GRIK1: variants seen among roughly 807,000 people sequenced by gnomAD.
The protein encoded by GRIK1 is glutamate ionotropic receptor kainate type subunit 1, also known as glutamate receptor ionotropic, kainate 1.
Under a neutral mutation model 105.7 loss-of-function variants are expected in GRIK1, and 69 were observed. The observed-to-expected ratio is 0.65, with a 90% CI of 0.54 to 0.80. The LOEUF (loss-of-function observed/expected upper bound fraction) is 0.80. Among genes scored for constraint, GRIK1 ranks in the 30% least tolerant of loss-of-function variants. The pLI, the probability that GRIK1 is intolerant of heterozygous loss-of-function variation, is 0.00. For synonymous variants in GRIK1, 438 were observed against 431.3 expected (o/e 1.02, Z -0.19); for missense variants, 1,109 against 1,167.3 (o/e 0.95, Z 0.73).
chr21:29,569,039 G>A (rs1211821250), intron 14 of GRIK1, among the ~76,000 whole-genome samples: 1 of 152,198 alleles, frequency 6.6e-6, no homozygotes, highest in Admixed American at 6.5e-5. Context: ...GGGCCTCCAA[G>A]GCCTAGGGTT....
At position 29,892,862 on chromosome 21, in the gene GRIK1, C is replaced by T. The variant is rs148683613; in HGVS notation, c.118+46521G>A. 2.3e-3 allele frequency among the ~76,000 whole-genome samples: 351 copies of T among 152,256 alleles called. 2 individuals carry two copies. Among genetic ancestry groups the T allele is most frequent in the African/African-American group, 8.2e-3 (341 of 41,538 alleles). On this transcript the variant is annotated intron_variant, in intron 1 of 17. Transcript: ENST00000327783. ...TTGTTTTGTTTTGTTATTGAAGCAC[C>T]TCCAAAACATTCTGAGGGAATTTAA...
At chr21:29,873,073 T>C (rs779232126) in intron 1 of GRIK1, among the ~76,000 whole-genome samples, 4 of 152,056 alleles carry the variant, frequency 2.6e-5, no homozygotes, top group South Asian at 2.1e-4. Context: ...AAATTGAAAG[T>C]CATTGAGGAG....
At chr21:29,690,599 C>G (rs1022152065) in intron 2 of GRIK1, among the ~76,000 whole-genome samples, 2 of 152,236 alleles carry the variant, frequency 1.3e-5, no homozygotes, top group African/African-American at 4.8e-5. Context: ...CCAACCCACT[C>G]ATTTCATAGA....
At chr21:29,764,129 T>C (rs75396167) in intron 1 of GRIK1, 6,495 of 152,256 alleles carry the variant, frequency 0.043, 219 homozygotes, top group Non-Finnish European at 0.066. Context: ...CTGAAGATGA[T>C]GCAGAGACTT....
chr21:29,868,687 T>C (rs904094751), intron 1 of GRIK1, among the ~76,000 whole-genome samples: 8 of 152,138 alleles, frequency 5.3e-5, no homozygotes, highest in African/African-American at 1.4e-4. Flanking sequence ...CTGTCTTTCT[T>C]TTTTCTTCAC....
intron 1 of GRIK1, among the ~76,000 whole-genome samples, chr21:29,905,944 TG>T (rs201072979): frequency 2.2e-5 from 3 of 133,686 alleles, no homozygotes; most frequent in African/African-American, 1.0e-4. Context: ...TTGTTTTTTT[TG>T]TTTGTTTGTT....
chr21:29,645,632 T>TCC (rs1296635762), intron 6 of GRIK1, among the ~76,000 whole-genome samples: 2 of 152,206 alleles, frequency 1.3e-5, no homozygotes, highest in Non-Finnish European at 2.9e-5. Flanking sequence ...GAGAAAATGT[T>TCC]TACATTAACT....
intron 15 of GRIK1, among the ~76,000 whole-genome samples, chr21:29,556,925 T>C (rs1252992442): frequency 2.0e-5 from 3 of 152,214 alleles, no homozygotes; most frequent in Non-Finnish European, 4.4e-5. Context: ...CCTATTAAGA[T>C]AAACTTAAGA....
intron 1 of GRIK1, among the ~76,000 whole-genome samples, chr21:29,894,994 C>A (rs2070075618): frequency 6.6e-6 from 1 of 152,084 alleles, no homozygotes; most frequent in African/African-American, 2.4e-5. Flanking sequence ...GAAAAGACTG[C>A]AAGCAAATAT....
chr21:29,817,866 T>C (rs961122697), intron 1 of GRIK1, among the ~76,000 whole-genome samples: 1 of 152,154 alleles, frequency 6.6e-6, no homozygotes, highest in Non-Finnish European at 1.5e-5. Context: ...GAAAATACGC[T>C]TAATGCATAC....
At chr21:29,590,917 G>C (rs1159206280) in intron 10 of GRIK1, among the ~76,000 whole-genome samples, 195 bp downstream of exon 10, 1 of 152,206 alleles carries the variant, frequency 6.6e-6, no homozygotes, top group Non-Finnish European at 1.5e-5. Context: ...AGAGGTGGGA[G>C]ATCTTCAGAA....
intron 1 of GRIK1, among the ~76,000 whole-genome samples, chr21:29,819,842 C>A (rs564382499): frequency 6.6e-6 from 1 of 152,152 alleles, no homozygotes; most frequent in Non-Finnish European, 1.5e-5. Flanking sequence ...ATGACAGGGA[C>A]CGCCTGCAAC....
rs573698011 is a variant in GRIK1 at position 29,637,172 on chromosome 21, C to T, written c.1098+5654G>A. Among the ~76,000 whole-genome samples the T allele has an allele frequency of 2.6e-5, 4 of 152,258 alleles. No homozygotes were observed. In the East Asian group the frequency reaches 7.7e-4, roughly 29 times the overall value. Reference sequence around the variant, plus strand: ...ATCAGTTTTAATAGAAGCACTGTGACCCAGAAAATAACTAAGGACAACTGA... The same window carrying T: ...ATCAGTTTTAATAGAAGCACTGTGATCCAGAAAATAACTAAGGACAACTGA... On this transcript the variant is annotated intron_variant, in intron 7 of 17. Transcript: ENST00000327783.
At chr21:29,904,429 G>C (rs2070530650) in intron 1 of GRIK1, among the ~76,000 whole-genome samples, 1 of 151,990 alleles carries the variant, frequency 6.6e-6, no homozygotes, top group Non-Finnish European at 1.5e-5. Context: ...AGCAAGAGCA[G>C]GGACTGAGTC....
chr21:29,723,558 G>A (rs1157138243), intron 1 of GRIK1, among the ~76,000 whole-genome samples: 1 of 152,212 alleles, frequency 6.6e-6, no homozygotes, highest in Non-Finnish European at 1.5e-5. Context: ...TCCAAGTGAA[G>A]AAGTTAGAAA....
chr21:29,938,822 T>G (rs934474031), intron 1 of GRIK1, among the ~76,000 whole-genome samples: 10 of 142,850 alleles, frequency 7.0e-5, no homozygotes, highest in Non-Finnish European at 1.2e-4. Flanking sequence ...GTGGAACCCG[T>G]CAGAGTTGGC....
intron 1 of GRIK1, among the ~76,000 whole-genome samples, chr21:29,733,660 C>T (rs902452897): frequency 2.0e-5 from 3 of 152,032 alleles, no homozygotes; most frequent in African/African-American, 7.2e-5. Context: ...AACATTTCTT[C>T]ATCACTTTCT....
intron 1 of GRIK1, among the ~76,000 whole-genome samples, chr21:29,935,514 A>G (rs2071717934): frequency 6.6e-6 from 1 of 152,236 alleles, no homozygotes; most frequent in African/African-American, 2.4e-5. Context: ...TAAAAATATG[A>G]ACAACTAAAA....
chr21:29,555,755 G>A (rs2146131230), intron 15 of GRIK1, among the ~76,000 whole-genome samples: 1 of 152,310 alleles, frequency 6.6e-6, no homozygotes, highest in African/African-American at 2.4e-5. Context: ...GTCAGACAGA[G>A]CAGTCTATTT....
Sources: allele counts gnomAD v4.1 joint callset (sites outside exome capture counted in the v4.1 genomes callset), GRCh38; gene constraint gnomAD v4.1.1; transcripts MANE v1.5; gene names NCBI Gene and HGNC (gene_info 2026-07-23, HGNC 2026-07-21).